NCKAP5: variants seen among roughly 807,000 people sequenced by gnomAD.
NCKAP5 encodes nck-associated protein 5.
NCKAP5 carries 92 observed loss-of-function variants against 167.0 expected under a neutral mutation model. That is an observed-to-expected ratio of 0.55 (90% CI 0.47 to 0.66). NCKAP5 has a LOEUF of 0.66. Ranked by LOEUF, NCKAP5 falls within the 30% of genes least tolerant of loss-of-function variation. The pLI is 0.00. For missense variants in NCKAP5, 2,378 were observed against 2,315.0 expected (o/e 1.03, Z -0.56); for synonymous variants, 891 against 877.4 (o/e 1.02, Z -0.27).
intron 5 of NCKAP5, among the ~76,000 whole-genome samples, chr2:133,139,507 G>A (rs2082918575): frequency 6.6e-6 from 1 of 152,160 alleles, no homozygotes; most frequent in South Asian, 2.1e-4. Flanking sequence ...TTAAAACAAT[G>A]ATATTGCACA....
chr2:133,176,501 T>C (rs1464755630), intron 5 of NCKAP5, among the ~76,000 whole-genome samples: 1 of 152,186 alleles, frequency 6.6e-6, no homozygotes, highest in Non-Finnish European at 1.5e-5. Context: ...TACGCTCACA[T>C]ACAATTATGT....
At chr2:132,994,889 T>G (rs2077548958) in intron 6 of NCKAP5, among the ~76,000 whole-genome samples, 1 of 152,240 alleles carries the variant, frequency 6.6e-6, no homozygotes, top group African/African-American at 2.4e-5. Context: ...CAAACCTGTA[T>G]AACATGTTAA....
At chr2:133,229,204 G>C (rs1158654407) in intron 4 of NCKAP5, among the ~76,000 whole-genome samples, 11 of 152,128 alleles carry the variant, frequency 7.2e-5, no homozygotes, top group Admixed American at 6.5e-4. Flanking sequence ...CAACCAGGCA[G>C]GAAAATTCTG....
At chr2:132,779,434 T>C (rs747686587) in intron 15 of NCKAP5, among the ~76,000 whole-genome samples, 3 of 152,096 alleles carry the variant, frequency 2.0e-5, no homozygotes, top group Non-Finnish European at 4.4e-5. Flanking sequence ...ATTTCCAGCA[T>C]ATTGCACATT....
At chr2:133,251,375 A>T (rs2088316639) in intron 4 of NCKAP5, among the ~76,000 whole-genome samples, 1 of 151,306 alleles carries the variant, frequency 6.6e-6, no homozygotes, top group African/African-American at 2.5e-5. Context: ...AAAACAGACA[A>T]ATTTTTTTTT....
At chr2:133,290,039 A>G (rs1679460500) in intron 4 of NCKAP5, among the ~76,000 whole-genome samples, 1 of 152,348 alleles carries the variant, frequency 6.6e-6, no homozygotes, top group East Asian at 1.9e-4. Context: ...TCTGGGGATT[A>G]TAATTCCACA....
At chr2:132,907,576 G>GA (rs1380789319) in intron 8 of NCKAP5, among the ~76,000 whole-genome samples, 6 of 148,834 alleles carry the variant, frequency 4.0e-5, no homozygotes, top group African/African-American at 1.5e-4. Context: ...GAGGCAGTAT[G>GA]ATTGCCTCAT....
intron 8 of NCKAP5, among the ~76,000 whole-genome samples, chr2:132,948,303 G>A (rs2076053612): frequency 6.6e-6 from 1 of 152,144 alleles, no homozygotes; most frequent in Non-Finnish European, 1.5e-5. Context: ...TGGATTTGCA[G>A]CTCATTGCAA....
chr2:133,648,932 C>A, the NCKAP5 span, among the ~76,000 whole-genome samples: 30 of 148,684 alleles, frequency 2.0e-4, no homozygotes, highest in African/African-American at 7.4e-4. Context: ...AATAGAAAAT[C>A]AGTAAAAAAA....
intron 7 of NCKAP5, among the ~76,000 whole-genome samples, chr2:132,983,666 C>T (rs527774231): frequency 2.0e-4 from 30 of 152,046 alleles, no homozygotes; most frequent in Non-Finnish European, 3.8e-4. Context: ...TATTGTTTGC[C>T]TCTGTGTTTG....
At chr2:133,208,282 G>C (rs2150150074) in intron 5 of NCKAP5, among the ~76,000 whole-genome samples, 1 of 152,238 alleles carries the variant, frequency 6.6e-6, no homozygotes, top group South Asian at 2.1e-4. Context: ...AGGCTGCAGA[G>C]AGCTGACACT....
At chr2:133,541,540 T>C (rs897889447) in intron 2 of NCKAP5, among the ~76,000 whole-genome samples, 6 of 152,120 alleles carry the variant, frequency 3.9e-5, no homozygotes, top group Non-Finnish European at 8.8e-5. Context: ...CCAAGATTAT[T>C]TAAAGAAACA....
rs1003905014 is a variant in NCKAP5 at position 132,910,236 on chromosome 2, T to C, written c.580-31320A>G. 5.3e-5 allele frequency among the ~76,000 whole-genome samples: 8 copies of C among 152,216 alleles called. No individual in the cohort carries two copies. In the South Asian group the frequency reaches 1.7e-3, roughly 32 times the overall value. On this transcript the variant is annotated intron_variant, in intron 8 of 19. Transcript: ENST00000409261. ...ATGGGGTACCCATACCCTCAAGCATTTATCCTTTGTGTTACAAAGAATCCA... is the reference window on the plus strand; with the variant it reads ...ATGGGGTACCCATACCCTCAAGCATCTATCCTTTGTGTTACAAAGAATCCA...
At chr2:133,666,685 A>G in the NCKAP5 span, among the ~76,000 whole-genome samples, 1 of 151,602 alleles carries the variant, frequency 6.6e-6, no homozygotes, top group Non-Finnish European at 1.5e-5. Flanking sequence ...ATTATAATAG[A>G]TTAAAATATT....
chr2:132,937,398 G>A (rs1050697966), intron 8 of NCKAP5, among the ~76,000 whole-genome samples: 32 of 152,208 alleles, frequency 2.1e-4, no homozygotes, highest in Admixed American at 1.4e-3. Context: ...TTAAAAGAAA[G>A]AGGACTAAAT....
chr2:132,877,170 C>T (rs533143451), intron 9 of NCKAP5, among the ~76,000 whole-genome samples: 85 of 152,294 alleles, frequency 5.6e-4, no homozygotes, highest in African/African-American at 1.8e-3. Flanking sequence ...GGCTGCTGAA[C>T]TGGCCTCACT....
chr2:133,328,248 C>T (rs1574711866), intron 3 of NCKAP5, among the ~76,000 whole-genome samples: 1 of 152,178 alleles, frequency 6.6e-6, no homozygotes, highest in Non-Finnish European at 1.5e-5. Context: ...GTTCTCAGTC[C>T]CCCAAATTCG....
intron 11 of NCKAP5, among the ~76,000 whole-genome samples, chr2:132,808,866 C>A (rs896949014): frequency 6.6e-6 from 1 of 151,912 alleles, no homozygotes; most frequent in Non-Finnish European, 1.5e-5. Flanking sequence ...CTTAGAGTAT[C>A]AGTTTGTGCC....
intron 4 of NCKAP5, among the ~76,000 whole-genome samples, chr2:133,224,479 A>G (rs1250779299): frequency 4.6e-5 from 7 of 152,204 alleles, no homozygotes; most frequent in Admixed American, 4.6e-4. Context: ...ACTCCCTACT[A>G]CAACAGTCAT....
Sources: allele counts gnomAD v4.1 joint callset (sites outside exome capture counted in the v4.1 genomes callset), GRCh38; gene constraint gnomAD v4.1.1; transcripts MANE v1.5; gene names NCBI Gene and HGNC (gene_info 2026-07-23, HGNC 2026-07-21).